ANTXR1: variants seen among roughly 807,000 people sequenced by gnomAD.
ANTXR1 encodes anthrax toxin receptor 1.
ANTXR1 carries 19 observed loss-of-function variants against 78.1 expected under a neutral mutation model. That is an observed-to-expected ratio of 0.24 (90% CI 0.17 to 0.36). The LOEUF (loss-of-function observed/expected upper bound fraction) is 0.36. Ranked by LOEUF, ANTXR1 falls within the 10% of genes least tolerant of loss-of-function variation. The pLI is 1.00. For missense variants in ANTXR1, 518 were observed against 718.6 expected (o/e 0.72, Z 3.19); for synonymous variants, 273 against 260.5 (o/e 1.05, Z -0.46).
intron 13 of ANTXR1, among the ~76,000 whole-genome samples, chr2:69,169,348 G>A (rs1673914306): frequency 6.6e-6 from 1 of 152,244 alleles, no homozygotes; most frequent in African/African-American, 2.4e-5. Flanking sequence ...GGGGTGAGAG[G>A]AGGAAGCCCT....
At chr2:69,219,249 T>C (rs1362118154) in intron 17 of ANTXR1, among the ~76,000 whole-genome samples, 1 of 152,126 alleles carries the variant, frequency 6.6e-6, no homozygotes, top group Non-Finnish European at 1.5e-5. Context: ...TGTAGGCCCT[T>C]GCCGTGACTG....
chr2:69,224,923 G>A (rs932759136), intron 17 of ANTXR1, among the ~76,000 whole-genome samples: 19 of 152,274 alleles, frequency 1.2e-4, no homozygotes, highest in Middle Eastern at 3.4e-3. Context: ...CACAGTTTGG[G>A]GAGGTAAGCT....
rs981816746 is a variant in ANTXR1 at position 69,245,707 on chromosome 2, G to C, written c.*222G>C. ...TGAGGCAACTACAGTCAGATTTATAGCCAGCCATCTATCACCTCTAGAAGG... is the reference window on the plus strand; with the variant it reads ...TGAGGCAACTACAGTCAGATTTATACCCAGCCATCTATCACCTCTAGAAGG... On this transcript the variant is annotated 3_prime_UTR_variant, in exon 18 of 18. Coordinates refer to ENST00000303714, the MANE Select transcript of ANTXR1 (RefSeq NM_032208.3). 1 of 589,032 alleles carries C rather than the reference G, an allele frequency of 1.7e-6. No homozygotes were observed. The highest frequency in any genetic ancestry group is 2.9e-6 in the Non-Finnish European group (1 of 341,450). The allele number at this position is 589,032 out of a possible 1,614,324, so 36.5% of individuals were successfully genotyped here. A position where few individuals can be genotyped will look rare whatever the true frequency, so the allele number is the denominator to read the frequency against.
chr2:69,208,219 C>A (rs111300119), intron 17 of ANTXR1, among the ~76,000 whole-genome samples: 172 of 152,276 alleles, frequency 1.1e-3, no homozygotes, highest in Non-Finnish European at 2.1e-3. Flanking sequence ...CATTTGTCTG[C>A]CCCCTGCTGC....
At chr2:69,098,947 C>T (rs1417505321) in intron 9 of ANTXR1, among the ~76,000 whole-genome samples, 3 of 151,406 alleles carry the variant, frequency 2.0e-5, no homozygotes, top group Non-Finnish European at 2.9e-5. Context: ...GATCACGTCA[C>T]TGCACTCCAG....
intron 12 of ANTXR1, among the ~76,000 whole-genome samples, chr2:69,127,965 G>T (rs950496358): frequency 6.6e-6 from 1 of 152,142 alleles, no homozygotes; most frequent in Non-Finnish European, 1.5e-5. Flanking sequence ...CATGGCTCAT[G>T]TCTGTTATCC....
chr2:69,102,431 GAC>G (rs1474378121), intron 9 of ANTXR1, among the ~76,000 whole-genome samples: 1 of 152,242 alleles, frequency 6.6e-6, no homozygotes, highest in Non-Finnish European at 1.5e-5. Context: ...GTGCAAAACA[GAC>G]ACAGAGGAGG....
At chr2:69,041,157 C>T (rs1455133485) in intron 2 of ANTXR1, among the ~76,000 whole-genome samples, 2 of 152,042 alleles carry the variant, frequency 1.3e-5, no homozygotes, top group African/African-American at 2.4e-5. Context: ...AGAAAAAGTA[C>T]AGGAAAAGGA....
intron 12 of ANTXR1, among the ~76,000 whole-genome samples, chr2:69,146,932 G>A (rs1673246178): frequency 6.6e-6 from 1 of 152,266 alleles, no homozygotes; most frequent in African/African-American, 2.4e-5. Context: ...CCCGAGTTAG[G>A]CTGTGAGCAG....
At chr2:69,178,668 A>G (rs1674195611) in intron 14 of ANTXR1, among the ~76,000 whole-genome samples, 1 of 152,130 alleles carries the variant, frequency 6.6e-6, no homozygotes, top group African/African-American at 2.4e-5. Flanking sequence ...ATCTTACTAT[A>G]TCCTGAGCAC....
At chr2:69,169,631 C>T (rs959844344) in intron 13 of ANTXR1, among the ~76,000 whole-genome samples, 2 of 152,226 alleles carry the variant, frequency 1.3e-5, no homozygotes, top group African/African-American at 4.8e-5. Context: ...CAGTCAGAAT[C>T]TTATAACACT....
At chr2:69,041,026 G>C (rs1267963016) in intron 2 of ANTXR1, among the ~76,000 whole-genome samples, 2 of 152,136 alleles carry the variant, frequency 1.3e-5, no homozygotes, top group Admixed American at 6.6e-5. Context: ...ATGCCTACCT[G>C]CCTAATTGGA....
intron 17 of ANTXR1, among the ~76,000 whole-genome samples, chr2:69,197,767 T>A (rs909647955): frequency 3.3e-5 from 5 of 152,182 alleles, no homozygotes; most frequent in Non-Finnish European, 7.4e-5. Context: ...GCTTGGCCAC[T>A]CTTTGAGTTC....
chr2:69,205,397 T>C (rs1365477870), intron 17 of ANTXR1, among the ~76,000 whole-genome samples: 1 of 152,092 alleles, frequency 6.6e-6, no homozygotes, highest in Non-Finnish European at 1.5e-5. Context: ...TTCTCCAGTC[T>C]TTGTCCACCC....
At chr2:69,203,393 A>C (rs934788887) in intron 17 of ANTXR1, among the ~76,000 whole-genome samples, 1 of 152,200 alleles carries the variant, frequency 6.6e-6, no homozygotes, top group African/African-American at 2.4e-5. Context: ...AGTACTTAGA[A>C]TTTTTGGCTG....
intron 14 of ANTXR1, among the ~76,000 whole-genome samples, chr2:69,172,062 C>G (rs1674002196): frequency 6.6e-6 from 1 of 152,230 alleles, no homozygotes; most frequent in Admixed American, 6.5e-5. Flanking sequence ...GTTGATTATA[C>G]TTGGTCAGAC....
intron 17 of ANTXR1, among the ~76,000 whole-genome samples, chr2:69,202,924 A>C (rs1233130665): frequency 6.6e-6 from 1 of 152,160 alleles, no homozygotes; most frequent in Non-Finnish European, 1.5e-5. Flanking sequence ...CTCCCTGAAA[A>C]CTGCCATTGA....
At chr2:69,225,164 G>C (rs1303902415) in intron 17 of ANTXR1, among the ~76,000 whole-genome samples, 3 of 151,964 alleles carry the variant, frequency 2.0e-5, no homozygotes, top group Admixed American at 1.3e-4. Flanking sequence ...TCACAGTCCC[G>C]AGCACCCTTT....
At chr2:69,131,456 G>A (rs1573916299) in intron 12 of ANTXR1, among the ~76,000 whole-genome samples, 1 of 152,220 alleles carries the variant, frequency 6.6e-6, no homozygotes, top group South Asian at 2.1e-4. Flanking sequence ...AGGAAGGCGG[G>A]CCTCCGGCTG....
Sources: allele counts gnomAD v4.1 joint callset (sites outside exome capture counted in the v4.1 genomes callset), GRCh38; gene constraint gnomAD v4.1.1; transcripts MANE v1.5; gene names NCBI Gene and HGNC (gene_info 2026-07-23, HGNC 2026-07-21).